RBM23: variants seen among roughly 807,000 people sequenced by gnomAD.
The protein encoded by RBM23 is probable RNA-binding protein 23.
In RBM23, 53 loss-of-function variants were observed where a neutral mutation model predicts 56.2. The observed-to-expected ratio is 0.94, with a 90% CI of 0.76 to 1.19. RBM23 has a LOEUF of 1.19. Ranked by LOEUF, RBM23 falls within the 50% of genes most tolerant of loss-of-function variation. RBM23 has a pLI of 0.00. For missense variants in RBM23, 642 were observed against 590.3 expected, an observed-to-expected ratio of 1.09 and a Z score of -0.91; for synonymous variants, 197 against 198.5, an observed-to-expected ratio of 0.99 and a Z score of 0.06.
chr14:22,904,945 A>G lies in RBM23; in HGVS notation c.794T>C (p.Leu265Pro), dbSNP rs1298617170. 6.2e-7 allele frequency: 1 copy of G among 1,614,186 alleles called. No homozygotes were observed. The highest frequency in any genetic ancestry group is 8.5e-7 in the Non-Finnish European group (1 of 1,180,034). Reference protein sequence around the residue: ...LQKGNGGPMRLYVGSLHFNIT... With the variant: ...LQKGNGGPMRPYVGSLHFNIT... Reference sequence around the variant, plus strand: ...ATTGAAGTGCAGGGAACCCACATAGAGGCGCATTGGTCCACCATTGCCCTT... The same window carrying G: ...ATTGAAGTGCAGGGAACCCACATAGGGGCGCATTGGTCCACCATTGCCCTT... Residue 265 changes from leucine to proline, a missense_variant, in exon 9 of 14, where the codon CTC (leucine) becomes CCC (proline). Physicochemically the swap from Leu to Pro is moderately conservative, Grantham distance 98 (BLOSUM62 -3). Transcript: ENST00000359890.
At position 22,901,744 on chromosome 14, in the gene RBM23, A is replaced by G; in HGVS notation, c.1317-11T>C. 6.2e-7 allele frequency: 1 copy of G among 1,613,690 alleles called. No individual in the cohort carries two copies. The highest frequency in any genetic ancestry group is 8.5e-7 in the Non-Finnish European group (1 of 1,179,580). The stretch of plus-strand genomic sequence containing the variant: ...GTGCCACTGATTTACCTGTGGAAAG[A>G]AGAGGTAAATGGGAAGCCAAAGGAA... On this transcript the variant is annotated splice_polypyrimidine_tract_variant and intron_variant, in intron 13 of 13. Coordinates refer to ENST00000359890, the MANE Select transcript of RBM23 (RefSeq NM_001077351.2).
At chr14:22,902,878 A>G in intron 10 of RBM23, 5 of 803,040 alleles carry the variant, frequency 6.2e-6, no homozygotes, top group Non-Finnish European at 7.5e-6. Flanking sequence ...GGGTTCAAGC[A>G]ATTCTCCTGC....
intron 1 of RBM23, among the ~76,000 whole-genome samples, chr14:22,914,844 ATGG>A (rs1178520360): frequency 1.3e-5 from 2 of 151,326 alleles, no homozygotes; most frequent in Non-Finnish European, 2.9e-5. Flanking sequence ...TTAGCCGGGC[ATGG>A]TGGTGGGCGC....
chr14:22,910,431 A>G (rs1157697868), intron 2 of RBM23, among the ~76,000 whole-genome samples: 2 of 125,490 alleles, frequency 1.6e-5, no homozygotes, highest in African/African-American at 2.8e-5. Context: ...CAGCCTGGGC[A>G]ATGAGTGAAA....
In RBM23 at chr14:22,901,820, T is replaced by TG. The variant is rs747799737; in HGVS notation, c.1309dup (p.Gln437ProfsTer39). On this transcript the variant is annotated frameshift_variant, in exon 13 of 14. Coordinates refer to ENST00000359890, the MANE Select transcript of RBM23 (RefSeq NM_001077351.2). LOFTEE classifies it high-confidence loss of function. Reference sequence around the variant, plus strand: ...GCTAGACCCTGAGACTCACATGGTCTGGGGGGTAAAGAGGCTGGAGAGCTG... The same window carrying TG: ...GCTAGACCCTGAGACTCACATGGTCTGGGGGGGTAAAGAGGCTGGAGAGCTG... 7.4e-6 allele frequency: 12 copies of TG among 1,614,090 alleles called. No individual in the cohort carries two copies. Among genetic ancestry groups the TG allele is most frequent in the East Asian group, 6.7e-5 (3 of 44,884 alleles).
In RBM23 at chr14:22,902,047, G is replaced by GGCA. The variant is rs754481537; in HGVS notation, c.1178_1179insTGC (p.Ala393dup). 37 of 1,500,892 alleles carry GGCA rather than the reference G, an allele frequency of 2.5e-5. No individual in the cohort carries two copies. The highest frequency in any genetic ancestry group is 1.8e-4 in the East Asian group (7 of 39,800). The allele number at this position is 1,500,892 out of a possible 1,614,324, so 93.0% of individuals were successfully genotyped here. Reference sequence around the variant, plus strand: ...CATTCAGTTGCAAGGCAGCAGCCTGGGCGGCGGCGGCAGCAGCAGCAGCAG... The same window carrying GGCA: ...CATTCAGTTGCAAGGCAGCAGCCTGGGCAGCGGCGGCGGCAGCAGCAGCAGCAG... On this transcript the variant is annotated inframe_insertion, in exon 12 of 14. Transcript: ENST00000359890.
At chr14:22,905,477 C>T in intron 6 of RBM23, 24 bp from the exon 7 acceptor site, 1 of 1,610,340 alleles carries the variant, frequency 6.2e-7, no homozygotes, top group South Asian at 1.1e-5. Flanking sequence ...TGTGTTGAGA[C>T]CAGCCCTCCC....
intron 2 of RBM23, among the ~76,000 whole-genome samples, chr14:22,910,290 T>C (rs1408018179): frequency 7.1e-6 from 1 of 140,600 alleles, no homozygotes; most frequent in Non-Finnish European, 1.5e-5. Flanking sequence ...GGAGAAACCA[T>C]CTCCACTAAA....
intron 4 of RBM23, among the ~76,000 whole-genome samples, chr14:22,907,032 G>C (rs1303720660): frequency 6.6e-6 from 1 of 152,236 alleles, no homozygotes; most frequent in African/African-American, 2.4e-5. Context: ...AAATTAGCCA[G>C]GTGTGGTGGT....
In RBM23 at chr14:22,897,218, G is replaced by T. The variant is rs2040262113; in HGVS notation, c.*4512C>A. 1 of 152,218 alleles carries T rather than the reference G, an allele frequency of 6.6e-6. No individual in the cohort carries two copies. Among genetic ancestry groups the T allele is most frequent in the African/African-American group, 2.4e-5 (1 of 41,458 alleles). 9.4% of individuals were successfully genotyped at this position (152,218 alleles called of 1,614,324 possible). A position where few individuals can be genotyped will look rare whatever the true frequency, so the allele number is the denominator to read the frequency against. On this transcript the variant is annotated 3_prime_UTR_variant, in exon 14 of 14. Transcript: ENST00000359890. ...AATATGTGCAAGGCAAAGCAATCATGAGAAAGACATCCAAGTCTGGCCTCA... is the reference window on the plus strand; with the variant it reads ...AATATGTGCAAGGCAAAGCAATCATTAGAAAGACATCCAAGTCTGGCCTCA...
chr14:22,902,681 A>G (rs906920797), intron 10 of RBM23: 20 of 1,070,102 alleles, frequency 1.9e-5, no homozygotes, highest in African/African-American at 3.3e-5. Context: ...ACAAATGGGT[A>G]TATCAAATGG....
In RBM23 at chr14:22,905,625, T is replaced by C. The variant is rs757776352; in HGVS notation, c.436A>G (p.Arg146Gly). 1.2e-6 allele frequency: 2 copies of C among 1,610,366 alleles called. No individual in the cohort carries two copies. The highest frequency in any genetic ancestry group is 2.7e-5 in the African/African-American group (2 of 75,040). The change falls in exon 6 of 14, where the codon AGA (arginine) becomes GGA (glycine). Residue 146 changes from arginine to glycine, a missense_variant. Transcript: ENST00000359890. ...RYGHSKSPHF[R>G]EKSPVREPVD... ...ACCCACCTGACTGGGCTCTTCTCTC[T>C]GAAATGAGGACTCTTACTGTGTCCA... is the stretch of plus-strand genomic sequence containing the variant.
At chr14:22,903,493 G>A (rs2040977797) in intron 10 of RBM23, 3 of 985,678 alleles carry the variant, frequency 3.0e-6, no homozygotes, top group Non-Finnish European at 3.6e-6. Context: ...GGCCTGGCAT[G>A]TGGTACTGAC....
chr14:22,904,212 G>A (rs1284449576), intron 10 of RBM23, 49 bp downstream of exon 10: 1 of 1,613,740 alleles, frequency 6.2e-7, no homozygotes, highest in South Asian at 1.1e-5. Context: ...AATCAGACAA[G>A]TGGACAAACC....
intron 2 of RBM23, among the ~76,000 whole-genome samples, chr14:22,910,143 C>G (rs2042208069): frequency 2.8e-5 from 1 of 35,914 alleles, no homozygotes. Flanking sequence ...CCTAGTGAGA[C>G]TCTGTCTCAA....
At chr14:22,918,535 C>T (rs1473990921) in intron 1 of RBM23, among the ~76,000 whole-genome samples, 1 of 152,136 alleles carries the variant, frequency 6.6e-6, no homozygotes, top group Admixed American at 6.6e-5. Flanking sequence ...ATGGGAAAAG[C>T]CCATAAAGGT....
In RBM23 at chr14:22,900,664, T is replaced by C. The variant is rs940588574; in HGVS notation, c.*1066A>G. The stretch of plus-strand genomic sequence containing the variant: ...ACACAATGATGTTACTAATGTTTTA[T>C]ATCCCTAGAAACATCATAAGTTGGG... On this transcript the variant is annotated 3_prime_UTR_variant, in exon 14 of 14. Transcript: ENST00000359890. The C allele has an allele frequency of 1.3e-5, 2 of 152,196 alleles. No individual in the cohort carries two copies. Among genetic ancestry groups the C allele is most frequent in the African/African-American group, 4.8e-5 (2 of 41,426 alleles). The allele number at this position is 152,196 out of a possible 1,614,324, so 9.4% of individuals were successfully genotyped here. A position where few individuals can be genotyped will look rare whatever the true frequency, so the allele number is the denominator to read the frequency against.
At position 22,916,201 on chromosome 14, in the gene RBM23, T is replaced by A. The variant is rs749377828; in HGVS notation, c.-11+2798A>T. Among the ~76,000 whole-genome samples, 5 of 152,146 alleles carry A rather than the reference T, an allele frequency of 3.3e-5. No homozygotes were observed. The South Asian group carries it at 1.0e-3, about 32-fold the overall frequency. On this transcript the variant is annotated intron_variant, in intron 1 of 13. Transcript: ENST00000359890. ...GCTGCAATCCAGTCTGTGCAGCAGA[T>A]TGAGATTCTGTCTCAATCCCCAAAA...
In RBM23 at chr14:22,897,190, T is replaced by C. The variant is rs2040261769; in HGVS notation, c.*4540A>G. ...CAGCATTCATTCAATTCTACAGACA[T>C]TTAATATGTGCAAGGCAAAGCAATC... On this transcript the variant is annotated 3_prime_UTR_variant, in exon 14 of 14. Transcript: ENST00000359890. The C allele has an allele frequency of 6.6e-6, 1 of 152,158 alleles. No individual in the cohort carries two copies. Among genetic ancestry groups the C allele is most frequent in the Non-Finnish European group, 1.5e-5 (1 of 68,016 alleles). The allele number at this position is 152,158 out of a possible 1,614,324, so 9.4% of individuals were successfully genotyped here.
Sources: gnomAD v4.1 joint callset for allele counts (sites outside exome capture counted in the v4.1 genomes callset) on GRCh38, gnomAD v4.1.1 for gene constraint, MANE v1.5 for transcripts, NCBI Gene and HGNC (gene_info 2026-07-23, HGNC 2026-07-21) for gene names.